Variants in UBP1 observed in about 807,000 individuals in gnomAD.
UBP1 encodes the protein upstream binding protein 1.
Under a neutral mutation model 76.1 loss-of-function variants are expected in UBP1, and 22 were observed. That is an observed-to-expected ratio of 0.29 (90% CI 0.21 to 0.41). The LOEUF (loss-of-function observed/expected upper bound fraction) is 0.41, where lower values mean the gene tolerates loss of function less well. UBP1 is among the 10% of genes least tolerant of loss of function. The pLI is 1.00. For missense variants in UBP1, 436 were observed against 668.1 expected, an observed-to-expected ratio of 0.65 and a Z score of 3.83; for synonymous variants, 224 against 237.1, an observed-to-expected ratio of 0.94 and a Z score of 0.51.
chr3:33,412,707 G>C lies in UBP1; in HGVS notation c.448+15C>G, dbSNP rs1002758656. 6.5e-7 allele frequency: 1 copy of C among 1,539,238 alleles called. No homozygotes were observed. The highest frequency in any genetic ancestry group is 1.1e-5 in the South Asian group (1 of 89,566). ...AATACCCTCATCTCCATGGTCTTTTGATCACTGCCTGTACCTAAATCAAGA... is the reference window on the plus strand; with the variant it reads ...AATACCCTCATCTCCATGGTCTTTTCATCACTGCCTGTACCTAAATCAAGA... On this transcript the variant is annotated intron_variant, in intron 4 of 15. Transcript: ENST00000283629.
At chr3:33,398,104 T>C (rs1413011600) in intron 11 of UBP1, 1 of 152,200 alleles carries the variant, frequency 6.6e-6, no homozygotes, top group South Asian at 2.1e-4. Flanking sequence ...TCTCTACTTT[T>C]TAATGTCTGA....
Position 33,425,725 on chromosome 3 carries a change from G to A in UBP1, c.130C>T (p.Pro44Ser). Reference sequence around the variant, plus strand: ...CTGGAATCTTCCTGCTTGAAAATGGGCAATGCCAAGACATCACTGAAAAGC... The same window carrying A: ...CTGGAATCTTCCTGCTTGAAAATGGACAATGCCAAGACATCACTGAAAAGC... Reference protein sequence around the residue: ...AYSMSDVLALPIFKQEDSSLP... With the variant: ...AYSMSDVLALSIFKQEDSSLP... Residue 44 changes from proline to serine, a missense_variant, in exon 2 of 16, where the codon CCC becomes TCC. By Grantham distance (74) the Pro-to-Ser change is moderately conservative (BLOSUM62 -1). Around this residue, in one of 3 missense-constraint regions of UBP1, gnomAD observed 161 missense variants for 237.9 expected, o/e 0.68. Coordinates refer to ENST00000283629, the MANE Select transcript of UBP1 (RefSeq NM_014517.5). 6.3e-7 allele frequency: 1 copy of A among 1,593,454 alleles called. No homozygotes were observed. The highest frequency in any genetic ancestry group is 8.6e-7 in the Non-Finnish European group (1 of 1,164,312).
chr3:33,396,293 G>C lies in UBP1; in HGVS notation c.1272-13C>G. On this transcript the variant is annotated splice_polypyrimidine_tract_variant and intron_variant, in intron 12 of 15. Transcript: ENST00000283629. ...GGGTCTAACCGACCTGCAATCAGAA[G>C]ATGCCACTGATGAGCCTGGGAGAGA... The C allele has an allele frequency of 6.4e-7, 1 of 1,558,896 alleles. No homozygotes were observed. Among genetic ancestry groups the C allele is most frequent in the Non-Finnish European group, 8.8e-7 (1 of 1,137,018 alleles).
intron 9 of UBP1, among the ~76,000 whole-genome samples, chr3:33,402,496 T>C (rs1336844197): frequency 6.6e-6 from 1 of 152,252 alleles, no homozygotes; most frequent in African/African-American, 2.4e-5. Flanking sequence ...TCTCTACCTA[T>C]AGACACTGTT....
chr3:33,405,200 A>G (rs939349358), intron 8 of UBP1, among the ~76,000 whole-genome samples: 2 of 152,328 alleles, frequency 1.3e-5, no homozygotes, highest in African/African-American at 4.8e-5. Flanking sequence ...AAAAATTTTT[A>G]AAGATTTTCA....
chr3:33,419,215 C>A (rs1278452641), intron 2 of UBP1, among the ~76,000 whole-genome samples: 2 of 152,048 alleles, frequency 1.3e-5, no homozygotes, highest in African/African-American at 2.4e-5. Flanking sequence ...CAAGAGTTGG[C>A]CAAGTGGAGT....
chr3:33,422,003 G>A lies in UBP1; in HGVS notation c.265+3587C>T, dbSNP rs111975897. 1.0e-3 allele frequency among the ~76,000 whole-genome samples: 154 copies of A among 152,004 alleles called. No homozygotes were observed. The East Asian group carries it at 0.014, about 13-fold the overall frequency. On this transcript the variant is annotated intron_variant, in intron 2 of 15. Transcript: ENST00000283629. ...AGGTTGCAGTGAGCAAGACTGCATC[G>A]TTGCACTCCAGCCTAAGAGACAGAG...
chr3:33,403,009 G>C (rs1259842270), intron 8 of UBP1, 105 bp from the exon 9 acceptor site: 1 of 1,016,206 alleles, frequency 9.8e-7, no homozygotes, highest in Non-Finnish European at 1.5e-6. Context: ...TAAAATGCGA[G>C]ACAGCTGACA....
chr3:33,430,773 G>C (rs536250337), intron 1 of UBP1, among the ~76,000 whole-genome samples: 37 of 152,238 alleles, frequency 2.4e-4, no homozygotes, highest in African/African-American at 8.2e-4. Context: ...AATTTCAGGG[G>C]ATCAGCAGCC....
chr3:33,433,093 C>T (rs1406598176), intron 1 of UBP1, among the ~76,000 whole-genome samples: 1 of 151,346 alleles, frequency 6.6e-6, no homozygotes, highest in African/African-American at 2.4e-5. Context: ...CGGAGTCTCA[C>T]TCTGTCGCCC....
chr3:33,420,512 C>T (rs13317110), intron 2 of UBP1, among the ~76,000 whole-genome samples: 1 of 120,574 alleles, frequency 8.3e-6, no homozygotes, highest in Admixed American at 1.0e-4. Context: ...TTTTTGGAGA[C>T]AGAGTCTCAC....
rs1178703568 is a variant in UBP1 at position 33,400,235 on chromosome 3, G to C, written c.1134C>G (p.Leu378=). Residue 378 remains leucine (L), a synonymous_variant, in exon 11 of 16, where the codon CTC becomes CTG. Coordinates refer to ENST00000283629, the MANE Select transcript of UBP1 (RefSeq NM_014517.5). ...ATIQETQQWL[L]KNRFSSYTRL... ...TTGTGTAGGAAGAGAATCTGTTTTT[G>C]AGCAGCCATTGCTGTGTTTCCTGGA... 1 of 1,603,386 alleles carries C rather than the reference G, an allele frequency of 6.2e-7. No homozygotes were observed. Among genetic ancestry groups the C allele is most frequent in the East Asian group, 2.3e-5 (1 of 44,330 alleles).
chr3:33,412,771 T>C lies in UBP1; in HGVS notation c.399A>G (p.Gln133=). The C allele has an allele frequency of 6.2e-7, 1 of 1,614,130 alleles. No individual in the cohort carries two copies. The highest frequency in any genetic ancestry group is 1.1e-5 in the South Asian group (1 of 91,076). The change falls in exon 4 of 16, where the codon CAA becomes CAG. Residue 133 remains glutamine, a synonymous_variant. Transcript: ENST00000283629. ...DRRLQYTEHQ[Q]LEGWKWNRPG... ...GGCGATTCCACTTCCATCCTTCAAG[T>C]TGCTGATGCTCTGTGTATTGTAGCC... is the stretch of plus-strand genomic sequence containing the variant.
In UBP1 at chr3:33,390,273, TCA is replaced by T; in HGVS notation, c.*56_*57del. Reference sequence around the variant, plus strand: ...TCCCAAGACTTCTTGGATTCAGTCTTCACACACTTTTAAGCGTGACTATTTGG... The same window carrying T: ...TCCCAAGACTTCTTGGATTCAGTCTTCACACTTTTAAGCGTGACTATTTGG... On this transcript the variant is annotated 3_prime_UTR_variant, in exon 16 of 16. Transcript: ENST00000283629. 6.5e-7 allele frequency: 1 copy of T among 1,536,868 alleles called. No individual in the cohort carries two copies. The highest frequency in any genetic ancestry group is 1.1e-5 in the South Asian group (1 of 87,206).
At chr3:33,434,289 C>CTTTTTTTTTTTTT (rs371209882) in intron 1 of UBP1, among the ~76,000 whole-genome samples, 1 of 101,264 alleles carries the variant, frequency 9.9e-6, no homozygotes, top group African/African-American at 4.0e-5. Flanking sequence ...TCAGCAAATC[C>CTTTTTTTTTTTTT]TTTTTTTTTT....
At chr3:33,403,576 G>GTCTATCTATCTATCTATCTATCTATCTA (rs1311549128) in intron 8 of UBP1, 39 of 84,328 alleles carry the variant, frequency 4.6e-4, no homozygotes, top group Non-Finnish European at 1.1e-3. Flanking sequence ...CTGTCTGTCT[G>GTCTATCTATCTATCTATCTATCTATCTA]TCTGTCTGTC....
rs2044963639 is a variant in UBP1, at chr3:33,423,947, T to TATGG, written c.265+1642_265+1643insCCAT. ...AACAACCATGATAAATTATGGGCAT[T>TATGG]CCCCCAGGCCAATAAATGCACATCC... On this transcript the variant is annotated intron_variant, in intron 2 of 15. Transcript: ENST00000283629. 2.6e-5 allele frequency among the ~76,000 whole-genome samples: 4 copies of TATGG among 152,316 alleles called. No individual in the cohort carries two copies. The South Asian group carries it at 8.3e-4, about 32-fold the overall frequency.
chr3:33,432,260 G>A (rs1013654953), intron 1 of UBP1, among the ~76,000 whole-genome samples: 1 of 152,070 alleles, frequency 6.6e-6, no homozygotes, highest in African/African-American at 2.4e-5. Flanking sequence ...GGAAGTCGAG[G>A]CTGCAGTGAG....
rs923455112 is a variant in UBP1 at position 33,440,060 on chromosome 3, C to G, written c.-212G>C. ...GCAATTGCAGCGGGAGCGGCCGGGC[C>G]GCCGGCAGCGCCACCCTCCCGCGGA... On this transcript the variant is annotated 5_prime_UTR_variant, in exon 1 of 16. Coordinates refer to ENST00000283629, the MANE Select transcript of UBP1 (RefSeq NM_014517.5). 3 of 476,358 alleles carry G rather than the reference C, an allele frequency of 6.3e-6. No homozygotes were observed. Among genetic ancestry groups the G allele is most frequent in the Non-Finnish European group, 1.1e-5 (3 of 276,672 alleles). The allele number at this position is 476,358 out of a possible 1,614,324, so 29.5% of individuals were successfully genotyped here.
Sources: gnomAD v4.1 joint callset for allele counts (sites outside exome capture counted in the v4.1 genomes callset) on GRCh38, gnomAD v4.1.1 for gene constraint, gnomAD v4.1.1 regional missense constraint, MANE v1.5 for transcripts, NCBI Gene and HGNC (gene_info 2026-07-23, HGNC 2026-07-21) for gene names.